ADGRL3: variants seen among roughly 807,000 people sequenced by gnomAD.
The protein encoded by ADGRL3 is adhesion G protein-coupled receptor L3, also known as calcium-independent alpha-latrotoxin receptor 3.
ADGRL3 carries 62 observed loss-of-function variants against 153.5 expected under a neutral mutation model. That is an observed-to-expected ratio of 0.40 (90% CI 0.33 to 0.50). The LOEUF (loss-of-function observed/expected upper bound fraction) is 0.50, where lower values mean the gene tolerates loss of function less well. Ranked by LOEUF, ADGRL3 falls within the 20% of genes least tolerant of loss-of-function variation. The probability of loss-of-function intolerance (pLI) is 0.47; values close to 1 mark genes in which losing one functional copy is unlikely to be tolerated. For missense variants in ADGRL3, 1,641 were observed against 1,859.4 expected (o/e 0.88, Z 2.16); for synonymous variants, 710 against 672.5 (o/e 1.06, Z -0.86).
At chr4:61,535,769 T>G (rs532995593) in intron 4 of ADGRL3, among the ~76,000 whole-genome samples, 2 of 152,088 alleles carry the variant, frequency 1.3e-5, no homozygotes, top group Admixed American at 6.5e-5. Context: ...TTGTCTTTCT[T>G]TGGCATTGTG....
intron 2 of ADGRL3, among the ~76,000 whole-genome samples, chr4:61,432,574 CT>C (rs2097370790): frequency 1.2e-3 from 2 of 1,664 alleles, no homozygotes; most frequent in African/African-American, 1.7e-3. Context: ...CTTTCTCTTC[CT>C]TTCTTTCTTT....
intron 8 of ADGRL3, among the ~76,000 whole-genome samples, chr4:61,774,689 T>A (rs1183250559): frequency 6.6e-6 from 1 of 152,166 alleles, no homozygotes; most frequent in Admixed American, 6.5e-5. Flanking sequence ...AAAGAGAGAC[T>A]GTATTCATAT....
At chr4:61,821,848 T>C (rs1419446096) in intron 9 of ADGRL3, among the ~76,000 whole-genome samples, 1 of 152,186 alleles carries the variant, frequency 6.6e-6, no homozygotes, top group Non-Finnish European at 1.5e-5. Flanking sequence ...TTTTTAAAGT[T>C]CAAAATAAGC....
intron 4 of ADGRL3, among the ~76,000 whole-genome samples, chr4:61,544,768 C>A (rs1469708582): frequency 2.0e-5 from 3 of 152,086 alleles, no homozygotes; most frequent in African/African-American, 4.8e-5. Context: ...AATAATGGAA[C>A]CTCTTTCCAA....
chr4:61,765,703 T>C (rs1311215014), intron 8 of ADGRL3, among the ~76,000 whole-genome samples: 1 of 152,090 alleles, frequency 6.6e-6, no homozygotes, highest in African/African-American at 2.4e-5. Context: ...AGGAAAGGCC[T>C]CTACCTATCC....
intron 8 of ADGRL3, among the ~76,000 whole-genome samples, chr4:61,783,669 T>C (rs2097242179): frequency 6.6e-6 from 1 of 152,104 alleles, no homozygotes; most frequent in African/African-American, 2.4e-5. Context: ...CTTGGCCCCA[T>C]AGATGAGGAA....
At position 62,055,120 on chromosome 4, in the gene ADGRL3, T is replaced by C. The variant is rs75445888; in HGVS notation, c.3814+10571T>C. Among the ~76,000 whole-genome samples, 1,296 of 151,890 alleles carry C rather than the reference T, an allele frequency of 8.5e-3. 18 individuals carry two copies. The highest frequency in any genetic ancestry group is 0.03 in the African/African-American group (1,251 of 41,544). On this transcript the variant is annotated intron_variant, in intron 25 of 26. Transcript: ENST00000683033. ...AGCAATTTGACTTTTAAGTATTTGCTGTGGAAAAGCTCATATGTCTGGACA... is the reference window on the plus strand; with the variant it reads ...AGCAATTTGACTTTTAAGTATTTGCCGTGGAAAAGCTCATATGTCTGGACA...
intron 5 of ADGRL3, among the ~76,000 whole-genome samples, chr4:61,604,306 A>T: frequency 6.6e-6 from 1 of 152,166 alleles, no homozygotes; most frequent in East Asian, 1.9e-4. Flanking sequence ...GGTCTAGATA[A>T]TTAAAATGAT....
chr4:61,257,566 A>G (rs2149518056), intron 1 of ADGRL3, among the ~76,000 whole-genome samples: 1 of 152,302 alleles, frequency 6.6e-6, no homozygotes, highest in East Asian at 1.9e-4. Context: ...TAGACATACT[A>G]AATAGGTAGC....
At chr4:61,402,922 A>G (rs1367547751) in intron 2 of ADGRL3, among the ~76,000 whole-genome samples, 1 of 151,984 alleles carries the variant, frequency 6.6e-6, no homozygotes, top group Non-Finnish European at 1.5e-5. Context: ...GGTGGCTTAA[A>G]AACGGTAGTT....
At position 61,747,894 on chromosome 4, in the gene ADGRL3, A is replaced by G. The variant is rs1278440748; in HGVS notation, c.1399+14340A>G. Among the ~76,000 whole-genome samples the G allele has an allele frequency of 1.1e-4, 16 of 152,128 alleles. 1 individual carries two copies. The South Asian group carries it at 2.7e-3, about 26-fold the overall frequency. On this transcript the variant is annotated intron_variant, in intron 8 of 26. Transcript: ENST00000683033. ...AGGAGAAGGAAATAAAGGGTATTCA[A>G]TTAGGAAAAGAGGAAGTGAAATTGT...
intron 9 of ADGRL3, among the ~76,000 whole-genome samples, chr4:61,877,419 G>A (rs995226228): frequency 3.9e-5 from 6 of 152,202 alleles, no homozygotes; most frequent in African/African-American, 1.4e-4. Context: ...ATACAAAGGA[G>A]TAGCACAACA....
chr4:61,461,462 A>G (rs2097817385), intron 2 of ADGRL3, among the ~76,000 whole-genome samples: 1 of 152,200 alleles, frequency 6.6e-6, no homozygotes, highest in Admixed American at 6.5e-5. Context: ...CATTGTATGC[A>G]TATAGCAAAA....
chr4:61,417,129 T>C (rs969842670), intron 2 of ADGRL3, among the ~76,000 whole-genome samples: 3 of 152,140 alleles, frequency 2.0e-5, no homozygotes, highest in Non-Finnish European at 2.9e-5. Context: ...CACCTCCTGC[T>C]GTGCATCCGG....
intron 5 of ADGRL3, among the ~76,000 whole-genome samples, chr4:61,648,336 G>A (rs2094117983): frequency 7.0e-6 from 1 of 141,964 alleles, no homozygotes; most frequent in Admixed American, 7.2e-5. Context: ...TAAGAGTTAG[G>A]AAATGAAATC....
chr4:61,447,889 C>T (rs1015904405), intron 2 of ADGRL3, among the ~76,000 whole-genome samples: 6 of 152,162 alleles, frequency 3.9e-5, no homozygotes, highest in African/African-American at 1.4e-4. Context: ...TGGTCTACTT[C>T]TGTTCATATA....
At chr4:61,344,343 A>C (rs975531439) in intron 1 of ADGRL3, among the ~76,000 whole-genome samples, 1 of 152,176 alleles carries the variant, frequency 6.6e-6, no homozygotes, top group African/African-American at 2.4e-5. Flanking sequence ...TGCCTGAGTA[A>C]AGTACAAGTT....
chr4:61,631,751 A>G (rs983024819), intron 5 of ADGRL3, among the ~76,000 whole-genome samples: 2 of 151,966 alleles, frequency 1.3e-5, no homozygotes, highest in African/African-American at 4.8e-5. Context: ...CAACTAAAAT[A>G]AGCTAAATTT....
At chr4:61,703,578 A>G (rs2151344232) in intron 6 of ADGRL3, among the ~76,000 whole-genome samples, 1 of 152,222 alleles carries the variant, frequency 6.6e-6, no homozygotes, top group Admixed American at 6.5e-5. Flanking sequence ...GAGTTAAAAA[A>G]TGAAGTATTA....
Sources: gnomAD v4.1 joint callset for allele counts (sites outside exome capture counted in the v4.1 genomes callset) on GRCh38, gnomAD v4.1.1 for gene constraint, MANE v1.5 for transcripts, NCBI Gene and HGNC (gene_info 2026-07-23, HGNC 2026-07-21) for gene names.